RYR2: variants seen among roughly 807,000 people sequenced by gnomAD.
The protein encoded by RYR2 is ryanodine receptor 2.
Under a neutral mutation model 601.1 loss-of-function variants are expected in RYR2, and 227 were observed. The ratio of observed to expected loss-of-function variants is 0.38; its 90% CI spans 0.34 to 0.42. The LOEUF (loss-of-function observed/expected upper bound fraction) is 0.42. Among genes scored for constraint, RYR2 ranks in the 10% least tolerant of loss-of-function variants. RYR2 has a pLI of 1.00. For synonymous variants in RYR2, 2,223 were observed against 2,175.1 expected (o/e 1.02, Z -0.61); for missense variants, 4,646 against 6,156.5 (o/e 0.75, Z 8.21).
In RYR2 at chr1:237,551,423, C is replaced by T. The variant is rs188579722; in HGVS notation, c.3214+732C>T. 8.6e-5 allele frequency among the ~76,000 whole-genome samples: 13 copies of T among 151,220 alleles called. No homozygotes were observed. The East Asian group carries it at 1.8e-3, about 21-fold the overall frequency. On this transcript the variant is annotated intron_variant, in intron 27 of 104. Coordinates refer to ENST00000366574, the MANE Select transcript of RYR2 (RefSeq NM_001035.3). ...GCGGACACCTGTAGTCCCAGCTACT[C>T]GGGAGGCTGAGGCAGGAGAATGGTG...
At chr1:237,374,380 A>G (rs1449752629) in intron 6 of RYR2, among the ~76,000 whole-genome samples, 1 of 151,970 alleles carries the variant, frequency 6.6e-6, no homozygotes, top group Non-Finnish European at 1.5e-5. Flanking sequence ...AAAATTAACC[A>G]GGTGTAGTGG....
intron 1 of RYR2, among the ~76,000 whole-genome samples, chr1:237,202,218 C>G (rs1479543902): frequency 6.6e-6 from 1 of 152,136 alleles, no homozygotes; most frequent in East Asian, 1.9e-4. Context: ...CCTGATATGC[C>G]TATGAATATA....
intron 1 of RYR2, among the ~76,000 whole-genome samples, chr1:237,060,599 T>C (rs1662716166): frequency 6.6e-6 from 1 of 152,212 alleles, no homozygotes; most frequent in South Asian, 2.1e-4. Context: ...AGGTTACTAC[T>C]CTATGGACTT....
At chr1:237,783,042 C>G (rs1695252502) in intron 89 of RYR2, among the ~76,000 whole-genome samples, 1 of 152,176 alleles carries the variant, frequency 6.6e-6, no homozygotes, top group African/African-American at 2.4e-5. Context: ...TCCTGTAGTT[C>G]AGGAATCTGC....
chr1:237,436,616 G>A (rs1435682195), intron 12 of RYR2, among the ~76,000 whole-genome samples: 2 of 150,894 alleles, frequency 1.3e-5, no homozygotes, highest in South Asian at 2.1e-4. Flanking sequence ...CCATAAAGGA[G>A]CAAATAAAAA....
intron 1 of RYR2, among the ~76,000 whole-genome samples, chr1:237,045,005 T>C (rs1660402174): frequency 6.6e-6 from 1 of 151,844 alleles, no homozygotes; most frequent in Non-Finnish European, 1.5e-5. Flanking sequence ...TAGGAATCTG[T>C]ACATCTTGAT....
At chr1:237,542,531 T>A (rs989161068) in intron 25 of RYR2, among the ~76,000 whole-genome samples, 1 of 152,214 alleles carries the variant, frequency 6.6e-6, no homozygotes, top group Non-Finnish European at 1.5e-5. Context: ...GACTTTGCTG[T>A]CTTCGACTGA....
chr1:237,413,060 CTATT>C (rs1704602074), intron 10 of RYR2, among the ~76,000 whole-genome samples: 1 of 152,032 alleles, frequency 6.6e-6, no homozygotes, highest in South Asian at 2.1e-4. Context: ...ACTGAAATTC[CTATT>C]TATTTAAGAT....
chr1:237,734,443 G>T (rs1277894860), intron 79 of RYR2, among the ~76,000 whole-genome samples: 3 of 152,154 alleles, frequency 2.0e-5, no homozygotes, highest in African/African-American at 4.8e-5. Context: ...GACACTTGGG[G>T]ATTACAATTC....
intron 1 of RYR2, among the ~76,000 whole-genome samples, chr1:237,074,020 A>T (rs767936967): frequency 1.3e-5 from 2 of 152,094 alleles, no homozygotes; most frequent in East Asian, 1.9e-4. Context: ...AAGATTTAAA[A>T]TTTTTTTGTG....
At chr1:237,757,650 T>C (rs369116367) in intron 81 of RYR2, 47 bp from the exon 82 acceptor site, 10 of 1,229,716 alleles carry the variant, frequency 8.1e-6, no homozygotes, top group Non-Finnish European at 1.2e-5. Flanking sequence ...TAGGTTAATA[T>C]AGAAGGCGAA....
At chr1:237,685,393 T>A (rs760232299) in intron 62 of RYR2, among the ~76,000 whole-genome samples, 9 of 152,186 alleles carry the variant, frequency 5.9e-5, no homozygotes, top group African/African-American at 1.2e-4. Flanking sequence ...CAAGTCCTTT[T>A]TCTCTGACAG....
rs531639678 is a variant in RYR2, at chr1:237,614,958, T to C, written c.5715+115T>C. 180 of 1,052,050 alleles carry C rather than the reference T, an allele frequency of 1.7e-4. No individual in the cohort carries two copies. The highest frequency in any genetic ancestry group is 1.4e-3 in the Middle Eastern group (5 of 3,550). 65.2% of individuals were successfully genotyped at this position (1,052,050 alleles called of 1,614,324 possible). ...TTTATTTCTTTGCATTCCTGTGTAA[T>C]GGTAGTTCTTCATAAAATTAACTAA... On this transcript the variant is annotated intron_variant, in intron 37 of 104. Transcript: ENST00000366574. This position sits in a 1 kb window ranked among gnomAD's most constrained non-coding sequence, Gnocchi z 4.3.
At chr1:237,527,192 A>T (rs1667679042) in intron 24 of RYR2, among the ~76,000 whole-genome samples, 1 of 152,126 alleles carries the variant, frequency 6.6e-6, no homozygotes, top group African/African-American at 2.4e-5. Flanking sequence ...CCATGCTGTT[A>T]TAGTTACTAT....
At chr1:237,550,382 A>G (rs1269847299) in intron 26 of RYR2, among the ~76,000 whole-genome samples, 162 bp from the exon 27 acceptor site, 1 of 152,046 alleles carries the variant, frequency 6.6e-6, no homozygotes, top group Admixed American at 6.6e-5. Flanking sequence ...TGAATCCTGT[A>G]TATTGATAGT....
At chr1:237,173,746 G>A (rs991291287) in intron 1 of RYR2, among the ~76,000 whole-genome samples, 4 of 152,148 alleles carry the variant, frequency 2.6e-5, no homozygotes, top group South Asian at 4.1e-4. Flanking sequence ...AAGAGAGTTT[G>A]ACTTTCATGA....
At chr1:237,121,391 CT>C (rs1410628400) in intron 1 of RYR2, among the ~76,000 whole-genome samples, 1 of 152,200 alleles carries the variant, frequency 6.6e-6, no homozygotes, top group Non-Finnish European at 1.5e-5. Flanking sequence ...AGAGAGAGCA[CT>C]CAACTCCTTT....
chr1:237,226,069 A>T (rs1684332542), intron 1 of RYR2, among the ~76,000 whole-genome samples: 1 of 151,830 alleles, frequency 6.6e-6, no homozygotes, highest in Admixed American at 6.6e-5. Context: ...AAAAAAAAAA[A>T]TTAAAGGTGT....
intron 71 of RYR2, among the ~76,000 whole-genome samples, chr1:237,715,291 A>G (rs1408539391): frequency 1.3e-5 from 2 of 152,178 alleles, no homozygotes; most frequent in Non-Finnish European, 2.9e-5. Flanking sequence ...TAGTTTGGGG[A>G]GGAAATAGGC....
Sources: gnomAD v4.1 joint callset for allele counts (sites outside exome capture counted in the v4.1 genomes callset) on GRCh38, gnomAD v4.1.1 for gene constraint, Gnocchi (gnomAD v3.1) non-coding constraint, MANE v1.5 for transcripts, NCBI Gene and HGNC (gene_info 2026-07-23, HGNC 2026-07-21) for gene names.